The following ADAMTS3 variants were observed in gnomAD, a reference collection of about 807,000 sequenced individuals.
The protein encoded by ADAMTS3 is ADAM metallopeptidase with thrombospondin type 1 motif 3, also known as A disintegrin and metalloproteinase with thrombospondin motifs 3.
A neutral mutation model predicts 129.0 loss-of-function variants in ADAMTS3; 73 were observed. The observed-to-expected ratio is 0.57, with a 90% CI of 0.47 to 0.69. The LOEUF is 0.69. Ranked by LOEUF, ADAMTS3 falls within the 30% of genes least tolerant of loss-of-function variation. ADAMTS3 has a pLI of 0.00. For synonymous variants in ADAMTS3, 477 were observed against 510.8 expected, an observed-to-expected ratio of 0.93 and a Z score of 0.89; for missense variants, 1,457 against 1,514.5, an observed-to-expected ratio of 0.96 and a Z score of 0.63.
chr4:72,329,643 G>C lies in ADAMTS3; in HGVS notation c.862-6546C>G, dbSNP rs191098962. Among the ~76,000 whole-genome samples, 649 of 151,984 alleles carry C rather than the reference G, an allele frequency of 4.3e-3. 4 individuals carry two copies. The highest frequency in any genetic ancestry group is 0.015 in the African/African-American group (638 of 41,444). ...GCTGTTTTGTCATGATGGAAGCCCTGAGTCTCTAGACAGTCACTCCAAAAA... is the reference window on the plus strand; with the variant it reads ...GCTGTTTTGTCATGATGGAAGCCCTCAGTCTCTAGACAGTCACTCCAAAAA... On this transcript the variant is annotated intron_variant, in intron 5 of 21. Coordinates refer to ENST00000286657, the MANE Select transcript of ADAMTS3 (RefSeq NM_014243.3).
chr4:72,343,102 C>A (rs1352420806), intron 4 of ADAMTS3, among the ~76,000 whole-genome samples: 2 of 152,084 alleles, frequency 1.3e-5, no homozygotes, highest in Non-Finnish European at 2.9e-5. Flanking sequence ...TACATAAGGG[C>A]CCACAGATTA....
intron 3 of ADAMTS3, among the ~76,000 whole-genome samples, chr4:72,508,270 C>A (rs372421761): frequency 6.6e-6 from 1 of 152,156 alleles, no homozygotes; most frequent in Non-Finnish European, 1.5e-5. Context: ...CAATGACTCA[C>A]TCATAGCAAT....
chr4:72,384,890 C>G (rs549437167), intron 4 of ADAMTS3, among the ~76,000 whole-genome samples: 5 of 152,118 alleles, frequency 3.3e-5, no homozygotes, highest in African/African-American at 1.2e-4. Context: ...AAACTGGGGC[C>G]GGGTGTGGTG....
At chr4:72,543,163 A>G in intron 3 of ADAMTS3, among the ~76,000 whole-genome samples, 1 of 152,202 alleles carries the variant, frequency 6.6e-6, no homozygotes, top group East Asian at 1.9e-4. Flanking sequence ...AACTTATCAC[A>G]TGTCTGAACA....
intron 4 of ADAMTS3, among the ~76,000 whole-genome samples, chr4:72,351,223 T>C (rs1720425977): frequency 6.6e-6 from 1 of 152,000 alleles, no homozygotes; most frequent in Non-Finnish European, 1.5e-5. Flanking sequence ...GTCTCTCTTA[T>C]TCTATCTTGA....
At position 72,281,892 on chromosome 4, in the gene ADAMTS3, G is replaced by A. The variant is rs866692758; in HGVS notation, c.*1244C>T. The A allele has an allele frequency of 1.3e-5, 2 of 152,146 alleles. No homozygotes were observed. Among genetic ancestry groups the A allele is most frequent in the Non-Finnish European group, 2.9e-5 (2 of 68,020 alleles). The allele number at this position is 152,146 out of a possible 1,614,324, so 9.4% of individuals were successfully genotyped here. A position where few individuals can be genotyped will look rare whatever the true frequency, so the allele number is the denominator to read the frequency against. ...GTACTTTACATCTACTCCCTGGAGA[G>A]AGCATTTCTGGCTTTGCTGTGAGCA... On this transcript the variant is annotated 3_prime_UTR_variant, in exon 22 of 22. Transcript: ENST00000286657.
intron 3 of ADAMTS3, among the ~76,000 whole-genome samples, chr4:72,522,869 A>T (rs1720710218): frequency 6.6e-6 from 1 of 152,196 alleles, no homozygotes; most frequent in African/African-American, 2.4e-5. Context: ...GAAATATCTA[A>T]GACTGAGCCA....
intron 5 of ADAMTS3, among the ~76,000 whole-genome samples, chr4:72,326,185 G>A (rs1719693581): frequency 6.6e-6 from 1 of 152,048 alleles, no homozygotes; most frequent in African/African-American, 2.4e-5. Flanking sequence ...AATTATTATA[G>A]GTAGAAATAA....
intron 4 of ADAMTS3, among the ~76,000 whole-genome samples, chr4:72,344,813 T>C (rs1367365661): frequency 6.6e-6 from 1 of 152,046 alleles, no homozygotes; most frequent in African/African-American, 2.4e-5. Flanking sequence ...TCTGACACTT[T>C]AAAGGAGTGT....
intron 3 of ADAMTS3, among the ~76,000 whole-genome samples, chr4:72,545,990 G>A (rs545839947): frequency 6.6e-6 from 1 of 152,086 alleles, no homozygotes; most frequent in South Asian, 2.1e-4. Context: ...TTTTTTAAGT[G>A]GACTTTTTAA....
In ADAMTS3 at chr4:72,320,724, A is replaced by T. The variant is rs1719530031; in HGVS notation, c.1092T>A (p.Ala364=). 6.2e-7 allele frequency: 1 copy of T among 1,613,346 alleles called. No homozygotes were observed. The highest frequency in any genetic ancestry group is 1.3e-5 in the African/African-American group (1 of 74,878). Residue 364 remains alanine, a synonymous_variant, in exon 7 of 22, where the codon GCT becomes GCA. Transcript: ENST00000286657. ...IFLTRQDFGP[A]GMQGYAPVTG... The stretch of plus-strand genomic sequence containing the variant: ...TATTGACAGCAATACCTTGCATTCC[A>T]GCAGGTCCAAAGTCTTGCCTGGTTA...
chr4:72,355,393 C>A (rs1325837246), intron 4 of ADAMTS3, among the ~76,000 whole-genome samples: 1 of 151,936 alleles, frequency 6.6e-6, no homozygotes, highest in Non-Finnish European at 1.5e-5. Context: ...TCATGTATTA[C>A]ATTTTTCCTC....
chr4:72,385,420 T>C (rs1721420614), intron 4 of ADAMTS3, among the ~76,000 whole-genome samples: 1 of 151,848 alleles, frequency 6.6e-6, no homozygotes, highest in African/African-American at 2.4e-5. Context: ...ATAAATAAGG[T>C]ACACAGGTAC....
intron 3 of ADAMTS3, among the ~76,000 whole-genome samples, chr4:72,507,662 G>A (rs1334868693): frequency 6.6e-6 from 1 of 152,100 alleles, no homozygotes; most frequent in Non-Finnish European, 1.5e-5. Context: ...ACCTTGTTTC[G>A]GTACACTATT....
intron 5 of ADAMTS3, among the ~76,000 whole-genome samples, chr4:72,333,107 G>A (rs1416092242): frequency 6.6e-6 from 1 of 152,128 alleles, no homozygotes; most frequent in East Asian, 1.9e-4. Context: ...AAGGCTGAAT[G>A]CATCTTAGAG....
intron 3 of ADAMTS3, among the ~76,000 whole-genome samples, chr4:72,530,829 T>TATATATA (rs1236832862): frequency 5.7e-5 from 7 of 122,204 alleles, no homozygotes; most frequent in African/African-American, 1.9e-4. Context: ...TTATATAGAT[T>TATATATA]ATATATAATA....
intron 3 of ADAMTS3, among the ~76,000 whole-genome samples, chr4:72,421,129 A>G (rs1167635455): frequency 2.0e-5 from 3 of 152,168 alleles, no homozygotes; most frequent in African/African-American, 4.8e-5. Context: ...ACTCTAGACC[A>G]TGGCCTATAA....
intron 3 of ADAMTS3, among the ~76,000 whole-genome samples, chr4:72,416,226 T>C (rs1722302815): frequency 6.7e-6 from 1 of 149,850 alleles, no homozygotes; most frequent in South Asian, 2.1e-4. Flanking sequence ...TATATATATT[T>C]AGCAAATATG....
chr4:72,405,781 GTCTCAGA>G (rs764730388), intron 4 of ADAMTS3, among the ~76,000 whole-genome samples: 29 of 152,242 alleles, frequency 1.9e-4, no homozygotes, highest in Non-Finnish European at 3.1e-4. Context: ...TCAAGGCCAA[GTCTCAGA>G]TGGGGAGAGA....
Sources: allele counts gnomAD v4.1 joint callset (sites outside exome capture counted in the v4.1 genomes callset), GRCh38; gene constraint gnomAD v4.1.1; transcripts MANE v1.5; gene names NCBI Gene and HGNC (gene_info 2026-07-23, HGNC 2026-07-21).